Variants in OOEP observed in about 807,000 individuals in gnomAD.
OOEP encodes the protein oocyte expressed protein.
In OOEP, 16 loss-of-function variants were observed where a neutral mutation model predicts 13.7. The ratio of observed to expected loss-of-function variants is 1.16; its 90% CI spans 0.79 to 1.77. The LOEUF (loss-of-function observed/expected upper bound fraction) is 1.77, where lower values mean the gene tolerates loss of function less well. Ranked by LOEUF, OOEP falls within the 40% of genes most tolerant of loss-of-function variation. The pLI is 0.00. For missense variants in OOEP, 195 were observed against 193.1 expected (o/e 1.01, Z -0.06); for synonymous variants, 89 against 77.1 (o/e 1.15, Z -0.81).
rs1293536394 is a variant in OOEP at position 73,395,092 on chromosome 6, G to C, written c.-492C>G. On this transcript the variant is annotated 5_prime_UTR_variant, in exon 1 of 4. Coordinates refer to the OOEP transcript ENST00000370363. ...CTCTAGGCCCCCGGAGGCCGTGGCC[G>C]CTGGTCACGAGGAACTGCCGCTGTG... 7 of 1,614,140 alleles carry C rather than the reference G, an allele frequency of 4.3e-6. No individual in the cohort carries two copies. The South Asian group carries it at 5.5e-5, about 13-fold the overall frequency.
intron 2 of OOEP, among the ~76,000 whole-genome samples, chr6:73,382,344 A>T (rs1242135164): frequency 6.7e-6 from 1 of 150,108 alleles, no homozygotes; most frequent in African/African-American, 2.5e-5. Flanking sequence ...CAGCCTCCTG[A>T]GTAGCGGGGA....
chr6:73,369,508 T>G (rs1012506885), intron 1 of OOEP, 95 bp downstream of exon 1: 6 of 1,508,062 alleles, frequency 4.0e-6, no homozygotes, highest in Non-Finnish European at 5.5e-6. Flanking sequence ...CACTCCTGGC[T>G]TGCGAATCTG....
chr6:73,394,293 G>T lies in OOEP; in HGVS notation c.25+53C>A, dbSNP rs960336598. 5.6e-6 allele frequency: 4 copies of T among 713,740 alleles called. No individual in the cohort carries two copies. The African/African-American group carries it at 7.0e-5, about 12-fold the overall frequency. 44.2% of individuals were successfully genotyped at this position (713,740 alleles called of 1,614,324 possible). ...AGGATAAATGCTGTTTTGTCAATCT[G>T]TTGTTTCAAGTTTTTTATGTGTGGA... On this transcript the variant is annotated intron_variant, in intron 2 of 3. Transcript: ENST00000370363.
At position 73,368,736 on chromosome 6, in the gene OOEP, C is replaced by T. The variant is rs781564387; in HGVS notation, c.*48G>A. 2.5e-5 allele frequency: 32 copies of T among 1,285,290 alleles called. No individual in the cohort carries two copies. Among genetic ancestry groups the T allele is most frequent in the Admixed American group, 1.7e-4 (10 of 58,936 alleles). 79.6% of individuals were successfully genotyped at this position (1,285,290 alleles called of 1,614,324 possible). Reference sequence around the variant, plus strand: ...TATACTTGCTTTTCTTCAACTTTAGCAGCAAAAGTTAGAAAGTTAAGATGT... The same window carrying T: ...TATACTTGCTTTTCTTCAACTTTAGTAGCAAAAGTTAGAAAGTTAAGATGT... On this transcript the variant is annotated 3_prime_UTR_variant, in exon 3 of 3. Coordinates refer to ENST00000370359, the MANE Select transcript of OOEP (RefSeq NM_001080507.3).
chr6:73,369,664 C>A lies in OOEP; in HGVS notation c.129G>T (p.Val43=). 1 of 1,614,038 alleles carries A rather than the reference C, an allele frequency of 6.2e-7. No individual in the cohort carries two copies. Among genetic ancestry groups the A allele is most frequent in the Non-Finnish European group, 8.5e-7 (1 of 1,179,884 alleles). The change falls in exon 1 of 3, where the codon GTG becomes GTT. Residue 43 remains valine (V), a synonymous_variant. Coordinates refer to ENST00000370359, the MANE Select transcript of OOEP (RefSeq NM_001080507.3). ...ACACCAAAGGGTCTCTCAGTTCCTGCACCGGAAACCACCAGGGCCGGATGC... is the reference window on the plus strand; with the variant it reads ...ACACCAAAGGGTCTCTCAGTTCCTGAACCGGAAACCACCAGGGCCGGATGC... The part of the protein sequence containing the change: ...QIRIRPWWFP[V]QELRDPLVFY...
chr6:73,394,847 A>T, exon 1 of OOEP: 2 of 1,584,338 alleles, frequency 1.3e-6, no homozygotes, highest in Non-Finnish European at 1.7e-6. Context: ...TTACGACGTC[A>T]CGGTCAGGTG....
At chr6:73,384,652 G>A (rs1769245943) in intron 2 of OOEP, among the ~76,000 whole-genome samples, 1 of 152,044 alleles carries the variant, frequency 6.6e-6, no homozygotes, top group Non-Finnish European at 1.5e-5. Context: ...AGCCATGATT[G>A]TGCCACTGCA....
intron 2 of OOEP, among the ~76,000 whole-genome samples, chr6:73,379,618 A>G (rs1470468722): frequency 7.4e-5 from 10 of 135,916 alleles, no homozygotes; most frequent in African/African-American, 2.7e-4. Flanking sequence ...CACTCTGGGC[A>G]ACAGAGTGAG....
intron 2 of OOEP, among the ~76,000 whole-genome samples, chr6:73,377,058 A>G (rs905283637): frequency 6.6e-6 from 1 of 152,170 alleles, no homozygotes; most frequent in Non-Finnish European, 1.5e-5. Context: ...ATTGTGTTTT[A>G]CCATTAGACT....
At chr6:73,390,529 T>G (rs1047266046) in intron 2 of OOEP, among the ~76,000 whole-genome samples, 1 of 152,100 alleles carries the variant, frequency 6.6e-6, no homozygotes, top group Non-Finnish European at 1.5e-5. Context: ...TTTATTATTT[T>G]GCTTTTTTTG....
chr6:73,374,533 TCTC>T (rs1193915837), upstream of OOEP, among the ~76,000 whole-genome samples: 1 of 152,186 alleles, frequency 6.6e-6, no homozygotes, highest in African/African-American at 2.4e-5. Context: ...AACACATACT[TCTC>T]CTTTCACCTT....
chr6:73,370,076 T>C (rs1409223404), upstream of OOEP: 5 of 452,590 alleles, frequency 1.1e-5, no homozygotes, highest in Non-Finnish European at 2.0e-5. Flanking sequence ...TCGTCATCTC[T>C]GCTCGTAAGG....
chr6:73,386,085 GCTTTT>G (rs1269733592), intron 2 of OOEP, among the ~76,000 whole-genome samples: 2 of 149,504 alleles, frequency 1.3e-5, no homozygotes, highest in African/African-American at 4.9e-5. Context: ...CCAACAACAT[GCTTTT>G]CTTTTTTTTT....
At chr6:73,369,067 C>T (rs1478155275) in intron 2 of OOEP, 139 bp downstream of exon 2, 2 of 948,888 alleles carry the variant, frequency 2.1e-6, no homozygotes, top group Non-Finnish European at 3.2e-6. Context: ...CCCCTCCCAA[C>T]AAACTTCGTA....
chr6:73,391,984 G>A (rs981125840), intron 2 of OOEP, among the ~76,000 whole-genome samples: 5 of 152,202 alleles, frequency 3.3e-5, no homozygotes, highest in Admixed American at 6.5e-5. Flanking sequence ...CCTGGCTGTT[G>A]AAAGTTCCTA....
intron 2 of OOEP, among the ~76,000 whole-genome samples, chr6:73,384,644 C>T (rs1001619905): frequency 1.3e-5 from 2 of 152,106 alleles, no homozygotes; most frequent in Non-Finnish European, 2.9e-5. Context: ...AGGTATTGAG[C>T]CATGATTGTG....
At position 73,369,797 on chromosome 6, in the gene OOEP, G is replaced by A; in HGVS notation, c.-5C>T. 6.2e-7 allele frequency: 1 copy of A among 1,609,930 alleles called. No homozygotes were observed. Among genetic ancestry groups the A allele is most frequent in the Non-Finnish European group, 8.5e-7 (1 of 1,177,078 alleles). The stretch of plus-strand genomic sequence containing the variant: ...GGCACCAGCATCATCGACCATACTG[G>A]GACCAGCAGCCGCGGAGCGCGCTCG... On this transcript the variant is annotated 5_prime_UTR_variant, in exon 1 of 3. Coordinates refer to ENST00000370359, the MANE Select transcript of OOEP (RefSeq NM_001080507.3).
chr6:73,372,164 A>G (rs920657763), upstream of OOEP, among the ~76,000 whole-genome samples: 3 of 152,220 alleles, frequency 2.0e-5, no homozygotes, highest in South Asian at 2.1e-4. Context: ...ACATTACTGT[A>G]GACAAAGAAT....
At chr6:73,390,821 C>T (rs1483902410) in intron 2 of OOEP, among the ~76,000 whole-genome samples, 3 of 150,524 alleles carry the variant, frequency 2.0e-5, no homozygotes, top group African/African-American at 7.3e-5. Flanking sequence ...AGGCTGGTCT[C>T]GAACTCCTGA....
Sources: gnomAD v4.1 joint callset for allele counts (sites outside exome capture counted in the v4.1 genomes callset) on GRCh38, gnomAD v4.1.1 for gene constraint, MANE v1.5 for transcripts, NCBI Gene and HGNC (gene_info 2026-07-23, HGNC 2026-07-21) for gene names.